CTNNA2: variants seen among roughly 807,000 people sequenced by gnomAD.
CTNNA2 encodes the protein catenin alpha-2.
A neutral mutation model predicts 101.0 loss-of-function variants in CTNNA2; 42 were observed. The ratio of observed to expected loss-of-function variants is 0.42; its 90% CI spans 0.32 to 0.54. The LOEUF is 0.54. CTNNA2 is among the 20% of genes least tolerant of loss of function. The pLI is 0.14. For missense variants in CTNNA2, 871 were observed against 1,223.1 expected, an observed-to-expected ratio of 0.71 and a Z score of 4.29; for synonymous variants, 450 against 456.4, an observed-to-expected ratio of 0.99 and a Z score of 0.18.
chr2:79,851,737 C>CTTTTTTTTTT (rs11399192), intron 3 of CTNNA2, among the ~76,000 whole-genome samples: 1 of 87,124 alleles, frequency 1.1e-5, no homozygotes, highest in Non-Finnish European at 2.0e-5. Flanking sequence ...TTTTCTTTTC[C>CTTTTTTTTTT]TTTTTTTTTT....
intron 9 of CTNNA2, among the ~76,000 whole-genome samples, chr2:80,496,469 G>A (rs1194451394): frequency 6.7e-6 from 1 of 150,258 alleles, no homozygotes; most frequent in Non-Finnish European, 1.5e-5. Flanking sequence ...ATAATGAGAG[G>A]AACGTGACTT....
intron 7 of CTNNA2, among the ~76,000 whole-genome samples, chr2:80,285,843 T>C (rs1050583247): frequency 4.6e-5 from 7 of 152,202 alleles, no homozygotes. Flanking sequence ...ACTTGTATGA[T>C]AATAGTCACT....
At chr2:80,165,477 G>A (rs1704620785) in intron 7 of CTNNA2, among the ~76,000 whole-genome samples, 1 of 151,904 alleles carries the variant, frequency 6.6e-6, no homozygotes, top group East Asian at 1.9e-4. Flanking sequence ...CTTTGATAAG[G>A]CCTTCTATTT....
At chr2:79,322,766 A>G (rs1226814163) in intron 3 of CTNNA2, among the ~76,000 whole-genome samples, 2 of 152,296 alleles carry the variant, frequency 1.3e-5, no homozygotes, top group South Asian at 2.1e-4. Flanking sequence ...GACTGGGACT[A>G]AAATAGGTTC....
intron 3 of CTNNA2, chr2:79,340,030 T>C (rs1267787438): frequency 1.3e-5 from 2 of 152,204 alleles, no homozygotes; most frequent in Non-Finnish European, 2.9e-5. Flanking sequence ...TTCTGGACAT[T>C]ACATTTTAAT....
chr2:79,523,460 T>G (rs1453621399), intron 1 of CTNNA2, among the ~76,000 whole-genome samples: 1 of 152,220 alleles, frequency 6.6e-6, no homozygotes, highest in African/African-American at 2.4e-5. Context: ...TCTTGCCTAT[T>G]ACTTGATAGT....
At chr2:79,845,451 C>T (rs534028267) in intron 3 of CTNNA2, among the ~76,000 whole-genome samples, 1 of 152,076 alleles carries the variant, frequency 6.6e-6, no homozygotes, top group South Asian at 2.1e-4. Flanking sequence ...ATGTTCATAT[C>T]ATCAATGGTG....
At chr2:79,573,699 A>C (rs1675610004) in intron 1 of CTNNA2, 1 of 152,224 alleles carries the variant, frequency 6.6e-6, no homozygotes, top group Admixed American at 6.5e-5. Context: ...AATAATAAAT[A>C]TTTTGTGTAT....
At chr2:79,469,817 C>T (rs1670978982) in intron 4 of CTNNA2, among the ~76,000 whole-genome samples, 1 of 152,146 alleles carries the variant, frequency 6.6e-6, no homozygotes, top group Admixed American at 6.6e-5. Flanking sequence ...AGGCCTTCAA[C>T]AAAATTCAAC....
At chr2:80,288,436 A>G (rs1674963214) in intron 7 of CTNNA2, 1 of 152,232 alleles carries the variant, frequency 6.6e-6, no homozygotes, top group African/African-American at 2.4e-5. Context: ...ATTGAACTAC[A>G]GAGAAGATTC....
chr2:79,881,605 T>C (rs1308741619), intron 6 of CTNNA2, among the ~76,000 whole-genome samples: 1 of 152,052 alleles, frequency 6.6e-6, no homozygotes, highest in Non-Finnish European at 1.5e-5. Context: ...TTAAAGTCTG[T>C]TTTGTCAAAG....
chr2:80,229,255 T>C (rs1428017725), intron 7 of CTNNA2, among the ~76,000 whole-genome samples: 1 of 152,210 alleles, frequency 6.6e-6, no homozygotes, highest in Non-Finnish European at 1.5e-5. Flanking sequence ...AACTCAATTC[T>C]GGTGCTAGCT....
intron 18 of CTNNA2, among the ~76,000 whole-genome samples, chr2:80,636,590 A>C (rs1672906938): frequency 6.6e-6 from 1 of 152,180 alleles, no homozygotes; most frequent in Admixed American, 6.6e-5. Flanking sequence ...AGGTAACACC[A>C]TTTGGTTTTT....
At position 79,736,813 on chromosome 2, in the gene CTNNA2, T is replaced by G. The variant is rs144451965; in HGVS notation, c.103-7574T>G. On this transcript the variant is annotated intron_variant, in intron 2 of 18. Coordinates refer to ENST00000402739, the MANE Select transcript of CTNNA2 (RefSeq NM_001282597.3). ...CTCGTATCTGCAAAGTGCACAAGTCTTTAGGCATCTAGCAAAACAATGCCC... is the reference window on the plus strand; with the variant it reads ...CTCGTATCTGCAAAGTGCACAAGTCGTTAGGCATCTAGCAAAACAATGCCC... Among the ~76,000 whole-genome samples the G allele has an allele frequency of 2.1e-3, 327 of 152,320 alleles. 2 individuals are homozygous for G. The highest frequency in any genetic ancestry group is 7.4e-3 in the African/African-American group (307 of 41,576).
At chr2:79,491,283 G>T (rs541940246) in intron 4 of CTNNA2, among the ~76,000 whole-genome samples, 2 of 152,170 alleles carry the variant, frequency 1.3e-5, no homozygotes, top group Non-Finnish European at 2.9e-5. Flanking sequence ...CAATGTGGCA[G>T]TCTGGGCAGT....
At chr2:80,446,895 G>GT (rs1349605613) in intron 9 of CTNNA2, among the ~76,000 whole-genome samples, 3 of 151,758 alleles carry the variant, frequency 2.0e-5, no homozygotes, top group Non-Finnish European at 2.9e-5. Flanking sequence ...TCTCCTTAGG[G>GT]TTTTTTTGAG....
chr2:80,566,852 A>G (rs1558594921), intron 12 of CTNNA2, among the ~76,000 whole-genome samples: 1 of 152,170 alleles, frequency 6.6e-6, no homozygotes, highest in East Asian at 1.9e-4. Flanking sequence ...GAAAAATTCT[A>G]TTTGACTTAG....
chr2:79,713,899 C>G (rs371769555), intron 2 of CTNNA2, among the ~76,000 whole-genome samples: 16 of 152,098 alleles, frequency 1.1e-4, no homozygotes, highest in African/African-American at 3.9e-4. Flanking sequence ...ACCTAGGAGC[C>G]CCTCATTGAT....
At chr2:79,555,880 A>G (rs1256491183) in intron 1 of CTNNA2, among the ~76,000 whole-genome samples, 3 of 152,092 alleles carry the variant, frequency 2.0e-5, no homozygotes, top group Non-Finnish European at 4.4e-5. Context: ...TGTTGTTGAC[A>G]GTTTTGAGGA....
Sources: gnomAD v4.1 joint callset for allele counts (sites outside exome capture counted in the v4.1 genomes callset) on GRCh38, gnomAD v4.1.1 for gene constraint, MANE v1.5 for transcripts, NCBI Gene and HGNC (gene_info 2026-07-23, HGNC 2026-07-21) for gene names.